NPAS4: variants seen among roughly 807,000 people sequenced by gnomAD.
NPAS4 encodes the protein neuronal PAS domain protein 4, also known as neuronal PAS domain-containing protein 4.
NPAS4 carries 10 observed loss-of-function variants against 64.0 expected under a neutral mutation model. The observed-to-expected ratio is 0.16, with a 90% CI of 0.10 to 0.26. The LOEUF (loss-of-function observed/expected upper bound fraction) is 0.26, where lower values mean the gene tolerates loss of function less well. Ranked by LOEUF, NPAS4 falls within the 10% of genes least tolerant of loss-of-function variation. The pLI is 1.00. For missense variants in NPAS4, 886 were observed against 992.6 expected (o/e 0.89, Z 1.44); for synonymous variants, 441 against 411.7 (o/e 1.07, Z -0.86).
chr11:66,418,396 G>A (rs931511480), upstream of NPAS4, among the ~76,000 whole-genome samples: 4 of 152,124 alleles, frequency 2.6e-5, no homozygotes, highest in African/African-American at 9.7e-5. Context: ...CGTCACTGGT[G>A]ATATAAATAG....
At chr11:66,420,227 A>C (rs1440064880), upstream of NPAS4, among the ~76,000 whole-genome samples, 1 of 152,222 alleles carries the variant, frequency 6.6e-6, no homozygotes, top group Non-Finnish European at 1.5e-5. Context: ...CAGTAAGGTT[A>C]ATTAGCTGAG....
rs1013946599 is a variant in NPAS4 at position 66,426,054 on chromosome 11, AC to A, written c.*72del. ...TCATCAAGACGTGGAGCCGCTCTCC[AC>A]CCCCCCGGGACTGTTGGGGGGATTC... is the stretch of plus-strand genomic sequence containing the variant. On this transcript the variant is annotated 3_prime_UTR_variant, in exon 8 of 8. Coordinates refer to ENST00000311034, the MANE Select transcript of NPAS4 (RefSeq NM_178864.4). 77 of 1,045,654 alleles carry A rather than the reference AC, an allele frequency of 7.4e-5. No individual in the cohort carries two copies. The highest frequency in any genetic ancestry group is 8.0e-5 in the Non-Finnish European group (58 of 722,204). 64.8% of individuals were successfully genotyped at this position (1,045,654 alleles called of 1,614,324 possible).
At chr11:66,415,996 G>A in the NPAS4 span, among the ~76,000 whole-genome samples, 12 of 152,086 alleles carry the variant, frequency 7.9e-5, no homozygotes, top group Non-Finnish European at 1.3e-4. Context: ...CCAGCTACTC[G>A]AGATCCTGAC....
At position 66,424,488 on chromosome 11, in the gene NPAS4, C is replaced by T; in HGVS notation, c.1598C>T (p.Pro533Leu). 2 of 1,614,144 alleles carry T rather than the reference C, an allele frequency of 1.2e-6. No individual in the cohort carries two copies. Among genetic ancestry groups the T allele is most frequent in the East Asian group, 2.2e-5 (1 of 44,874 alleles). ...AGCCCTGCCCATGAACAGCTGACTC[C>T]TCCCAGCACAGCATTCCAAGCACAC... ...LGSPAHEQLT[P>L]PSTAFQAHLD... The change falls in exon 7 of 8, where the codon CCT becomes CTT. Residue 533 changes from proline (P) to leucine (L), a missense_variant. By Grantham distance (98) the Pro-to-Leu change is moderately conservative (BLOSUM62 -3). Transcript: ENST00000311034.
At chr11:66,411,301 C>T in the NPAS4 span, among the ~76,000 whole-genome samples, 1 of 152,082 alleles carries the variant, frequency 6.6e-6, no homozygotes, top group Non-Finnish European at 1.5e-5. Context: ...TTGGGAGGGC[C>T]CTTTGAGGCT....
At chr11:66,412,869 C>T in the NPAS4 span, among the ~76,000 whole-genome samples, 3 of 152,256 alleles carry the variant, frequency 2.0e-5, no homozygotes, top group Non-Finnish European at 4.4e-5. Context: ...TCCACGTGGA[C>T]CGTGTCTCTC....
At chr11:66,416,870 G>A (rs927035780), upstream of NPAS4, 5 of 152,092 alleles carry the variant, frequency 3.3e-5, no homozygotes, top group African/African-American at 9.7e-5. Flanking sequence ...CTCCAGACTA[G>A]CAGCCAGGAG....
At chr11:66,421,379 A>T in intron 1 of NPAS4, 25 bp downstream of exon 1, 1 of 1,608,626 alleles carries the variant, frequency 6.2e-7, no homozygotes, top group Non-Finnish European at 8.5e-7. Flanking sequence ...GCTACCGCAG[A>T]TCCGAGCTGC....
upstream of NPAS4, among the ~76,000 whole-genome samples, chr11:66,417,831 A>G (rs147531523): frequency 0.016 from 2,425 of 152,270 alleles, 43 homozygotes; most frequent in Non-Finnish European, 0.024. Context: ...AAAGACAAGC[A>G]TAGATGCAGG....
Position 66,422,473 on chromosome 11 carries a change from A to G in NPAS4, c.350A>G (p.Asp117Gly), listed in dbSNP as rs1309417489. 6.2e-7 allele frequency: 1 copy of G among 1,613,900 alleles called. No homozygotes were observed. Among genetic ancestry groups the G allele is most frequent in the East Asian group, 2.2e-5 (1 of 44,868 alleles). The stretch of plus-strand genomic sequence containing the variant: ...CAGGTGGACCTGGTTGCCCAGGGTG[A>G]CAGCATCTACGACATCATTGACCCA... The part of the protein sequence containing the change: ...HSMVDLVAQG[D>G]SIYDIIDPAD... The change falls in exon 3 of 8, where the codon GAC becomes GGC. Residue 117 changes from aspartate (D) to glycine (G), a missense_variant. Transcript: ENST00000311034.
rs747880660 is a variant in NPAS4, at chr11:66,424,336, T to C, written c.1446T>C (p.Thr482=). 11 of 1,613,978 alleles carry C rather than the reference T, an allele frequency of 6.8e-6. No individual in the cohort carries two copies. The highest frequency in any genetic ancestry group is 2.2e-5 in the East Asian group (1 of 44,876). ...PSSATFPDPL[T]SPLQGQLTET... is the part of the protein sequence containing the mutation. ...GTGCAACCTTCCCAGATCCACTAAC[T>C]AGCCCACTGCAAGGCCAGTTGACTG... is the stretch of plus-strand genomic sequence containing the variant. The change falls in exon 7 of 8, where the codon ACT becomes ACC. Residue 482 remains threonine, a synonymous_variant. Transcript: ENST00000311034.
In NPAS4 at chr11:66,422,838, C is replaced by A. The variant is rs971109189; in HGVS notation, c.595C>A (p.Pro199Thr). ...TTTCTGTGCCCCTCTGGAGCCGAGA[C>A]CCCGCCCAGGTCCTGGCCCTGGCCC... Reference protein sequence around the residue: ...TAFCAPLEPRPRPGPGPGPGP... With the variant: ...TAFCAPLEPRTRPGPGPGPGP... The change falls in exon 4 of 8, where the codon CCC becomes ACC. Residue 199 changes from proline (P) to threonine (T), a missense_variant. By Grantham distance (38) the Pro-to-Thr change is conservative. Transcript: ENST00000311034. The A allele has an allele frequency of 6.2e-7, 1 of 1,613,968 alleles. No individual in the cohort carries two copies. Among genetic ancestry groups the A allele is most frequent in the South Asian group, 1.1e-5 (1 of 91,088 alleles).
At position 66,424,340 on chromosome 11, in the gene NPAS4, C is replaced by T; in HGVS notation, c.1450C>T (p.Pro484Ser). The stretch of plus-strand genomic sequence containing the variant: ...AACCTTCCCAGATCCACTAACTAGC[C>T]CACTGCAAGGCCAGTTGACTGAAAC... ...SATFPDPLTSPLQGQLTETSV... is the reference protein window; with the variant it reads ...SATFPDPLTSSLQGQLTETSV... The change falls in exon 7 of 8, where the codon CCA becomes TCA. Residue 484 changes from proline to serine, a missense_variant. By Grantham distance (74) the Pro-to-Ser change is moderately conservative (BLOSUM62 -1). Coordinates refer to ENST00000311034, the MANE Select transcript of NPAS4 (RefSeq NM_178864.4). 1 of 1,614,138 alleles carries T rather than the reference C, an allele frequency of 6.2e-7. No individual in the cohort carries two copies. The highest frequency in any genetic ancestry group is 8.5e-7 in the Non-Finnish European group (1 of 1,180,018).
upstream of NPAS4, among the ~76,000 whole-genome samples, chr11:66,420,058 C>T (rs1856716864): frequency 2.0e-5 from 3 of 152,174 alleles, no homozygotes; most frequent in Non-Finnish European, 4.4e-5. Context: ...AGCTGGGATT[C>T]CCCCGGCCCC....
In NPAS4 at chr11:66,424,070, T is replaced by A. The variant is rs55760337; in HGVS notation, c.1180T>A (p.Ser394Thr). Residue 394 changes from serine to threonine, a missense_variant, in exon 7 of 8, where the codon TCC (serine) becomes ACC (threonine). Transcript: ENST00000311034. ...VSASEELPRP[S>T]KELDFSYLTF... is the part of the protein sequence containing the mutation. Reference sequence around the variant, plus strand: ...TGCATCAGAAGAGCTTCCCCGACCCTCCAAAGAACTGGACTTCAGTTACCT... The same window carrying A: ...TGCATCAGAAGAGCTTCCCCGACCCACCAAAGAACTGGACTTCAGTTACCT... The A allele has an allele frequency of 6.2e-7, 1 of 1,613,972 alleles. No homozygotes were observed. Among genetic ancestry groups the A allele is most frequent in the African/African-American group, 1.3e-5 (1 of 74,950 alleles).
the NPAS4 span, among the ~76,000 whole-genome samples, chr11:66,413,581 G>A: frequency 1.3e-5 from 2 of 152,338 alleles, no homozygotes; most frequent in Admixed American, 6.5e-5. Context: ...CACTTTTGCT[G>A]CATGTCCCTG....
chr11:66,415,655 T>G, the NPAS4 span, among the ~76,000 whole-genome samples: 1 of 152,266 alleles, frequency 6.6e-6, no homozygotes. Flanking sequence ...GTGGCTAGAT[T>G]TGCAGTCCAT....
At position 66,424,356 on chromosome 11, in the gene NPAS4, T is replaced by C. The variant is rs777090876; in HGVS notation, c.1466T>C (p.Leu489Ser). The change falls in exon 7 of 8, where the codon TTG becomes TCG. Residue 489 changes from leucine to serine, a missense_variant. Leu to Ser is a moderately radical substitution (Grantham distance 145). Transcript: ENST00000311034. ...DPLTSPLQGQ[L>S]TETSVRSYED... ...CTAACTAGCCCACTGCAAGGCCAGT[T>C]GACTGAAACCTCGGTCAGAAGCTAT... 1.1e-5 allele frequency: 17 copies of C among 1,614,024 alleles called. No homozygotes were observed. In the South Asian group the frequency reaches 1.9e-4, roughly 18 times the overall value.
At position 66,424,559 on chromosome 11, in the gene NPAS4, C is replaced by T; in HGVS notation, c.1669C>T (p.Pro557Ser). Reference protein sequence around the residue: ...QTFPEQLSPNPTKTYFAQEGC... With the variant: ...QTFPEQLSPNSTKTYFAQEGC... ...CTTCCCAGAGCAACTGAGCCCCAACCCTACCAAGACTTACTTTGCCCAGGA... is the reference window on the plus strand; with the variant it reads ...CTTCCCAGAGCAACTGAGCCCCAACTCTACCAAGACTTACTTTGCCCAGGA... Residue 557 changes from proline to serine, a missense_variant, in exon 7 of 8, where the codon CCT becomes TCT. Coordinates refer to ENST00000311034, the MANE Select transcript of NPAS4 (RefSeq NM_178864.4). The T allele has an allele frequency of 6.2e-7, 1 of 1,614,220 alleles. No homozygotes were observed.
Sources: allele counts gnomAD v4.1 joint callset (sites outside exome capture counted in the v4.1 genomes callset), GRCh38; gene constraint gnomAD v4.1.1; transcripts MANE v1.5; gene names NCBI Gene and HGNC (gene_info 2026-07-23, HGNC 2026-07-21).